The following TNXB variants were observed in gnomAD, a reference collection of about 807,000 sequenced individuals.
TNXB encodes tenascin-X.
Under a neutral mutation model 340.5 loss-of-function variants are expected in TNXB, and 183 were observed. The ratio of observed to expected loss-of-function variants is 0.54; its 90% CI spans 0.48 to 0.61. TNXB has a LOEUF of 0.61. Ranked by LOEUF, TNXB falls within the 20% of genes least tolerant of loss-of-function variation. The pLI, the probability that TNXB is intolerant of heterozygous loss-of-function variation, is 0.00. For synonymous variants in TNXB, 2,121 were observed against 2,314.5 expected (o/e 0.92, Z 2.40); for missense variants, 4,613 against 5,446.4 (o/e 0.85, Z 4.82).
intron 31 of TNXB, chr6:32,045,557 TCA>T: frequency 1.6e-6 from 1 of 617,324 alleles, no homozygotes; most frequent in South Asian, 2.5e-5. Context: ...CCTCGAGATA[TCA>T]CAGGCTCTGG....
Position 32,095,876 on chromosome 6 carries a change from A to C in TNXB, c.1977T>G (p.Arg659=), listed in dbSNP as rs757751081. The part of the protein sequence containing the change: ...TRMCPADCRG[R]GRCVQGVCLC... ...GGCACACTCCTTGCACACACCGCCCACGTCCCCGGCAGTCAGCCGGGCACA... is the reference window on the plus strand; with the variant it reads ...GGCACACTCCTTGCACACACCGCCCCCGTCCCCGGCAGTCAGCCGGGCACA... Residue 659 remains arginine, a synonymous_variant, in exon 3 of 44, where the codon CGT becomes CGG. Transcript: ENST00000644971. 14 of 1,612,600 alleles carry C rather than the reference A, an allele frequency of 8.7e-6. No homozygotes were observed. In the South Asian group the frequency reaches 1.4e-4, roughly 16 times the overall value.
intron 13 of TNXB, 55 bp downstream of exon 13, chr6:32,071,935 G>C: frequency 6.9e-7 from 1 of 1,459,096 alleles, no homozygotes; most frequent in Non-Finnish European, 9.3e-7. Context: ...AGGGAGTGAA[G>C]AGAAGGGTGG....
At chr6:32,056,551 C>A in intron 23 of TNXB, 35 bp downstream of exon 23, 1 of 1,606,730 alleles carries the variant, frequency 6.2e-7, no homozygotes, top group African/African-American at 1.3e-5. Flanking sequence ...GACCCTCCCA[C>A]GGCTCCCACC....
intron 4 of TNXB, among the ~76,000 whole-genome samples, chr6:32,094,095 CAAAAAAAAAAAAAAAAAA>C (rs9281649): frequency 3.5e-5 from 1 of 28,958 alleles, no homozygotes; most frequent in Non-Finnish European, 5.8e-5. Flanking sequence ...CTCTCTGTCT[CAAAAAAAAAAAAAAAAAA>C]AAAAAAAAAA....
rs775246444 is a variant in TNXB at position 32,049,441 on chromosome 6, A to G, written c.9586T>C (p.Phe3196Leu). ...TCCCTGTCCTTGTACTGCACGGTGA[A>G]GGAGTCGAAGCGGCCCTGGGGGACG... The part of the protein sequence containing the change: ...WTVPQGRFDS[F>L]TVQYKDRDGQ... Residue 3196 changes from phenylalanine to leucine, a missense_variant, in exon 28 of 44, where the codon TTC (phenylalanine) becomes CTC (leucine). By Grantham distance (22) the Phe-to-Leu change is conservative (BLOSUM62 0). Coordinates refer to ENST00000644971, the MANE Select transcript of TNXB (RefSeq NM_001365276.2). This position sits in a 1 kb window ranked among gnomAD's most constrained non-coding sequence, Gnocchi z 4.5. The G allele has an allele frequency of 1.2e-6, 2 of 1,612,584 alleles. No homozygotes were observed. The highest frequency in any genetic ancestry group is 3.3e-5 in the Admixed American group (2 of 59,998).
At chr6:32,044,899 TCTCTCCCTGGTA>T in intron 32 of TNXB, 95 bp downstream of exon 32, 1 of 1,055,478 alleles carries the variant, frequency 9.5e-7, no homozygotes, top group African/African-American at 1.6e-5. Flanking sequence ...CCATCCATCC[TCTCTCCCTGGTA>T]CCCGCCTCAC....
intron 22 of TNXB, among the ~76,000 whole-genome samples, chr6:32,057,201 C>T (rs1221054304): frequency 6.6e-6 from 1 of 152,134 alleles, no homozygotes; most frequent in Non-Finnish European, 1.5e-5. Flanking sequence ...CCCCTGGCCT[C>T]CCAGCACTGG....
Position 32,096,329 on chromosome 6 carries a change from C to G in TNXB, c.1524G>C (p.Val508=). Residue 508 remains valine (V), a synonymous_variant, in exon 3 of 44, where the codon GTG becomes GTC. Transcript: ENST00000644971. ...CCGGGTTGCACACGCAGCGGCCATC[C>G]ACGCAGCGCCCGCGCCCGCGACAGT... ...PGDCRGRGRC[V]DGRCVCNPGF... is the part of the protein sequence containing the mutation. 1 of 1,548,472 alleles carries G rather than the reference C, an allele frequency of 6.5e-7. No homozygotes were observed. Among genetic ancestry groups the G allele is most frequent in the Non-Finnish European group, 8.7e-7 (1 of 1,152,546 alleles).
Position 32,097,550 on chromosome 6 carries a change from A to C in TNXB, c.404-101T>G. The C allele has an allele frequency of 1.0e-5, 14 of 1,399,766 alleles. No homozygotes were observed. Among genetic ancestry groups the C allele is most frequent in the South Asian group, 1.4e-5 (1 of 71,174 alleles). 86.7% of individuals were successfully genotyped at this position (1,399,766 alleles called of 1,614,324 possible). Reference sequence around the variant, plus strand: ...GCAGGCCCCTAGCCAGGCTAGCCTCATCTCATAAGGCCATGTCTGCTCCCA... The same window carrying C: ...GCAGGCCCCTAGCCAGGCTAGCCTCCTCTCATAAGGCCATGTCTGCTCCCA... On this transcript the variant is annotated intron_variant, in intron 2 of 43. Coordinates refer to ENST00000644971, the MANE Select transcript of TNXB (RefSeq NM_001365276.2). The surrounding 1 kb of genome is among the most constrained non-coding windows in gnomAD (Gnocchi z 5.9).
rs1402144064 is a variant in TNXB, at chr6:32,073,714, A to G, written c.4614T>C (p.Tyr1538=). Residue 1538 remains tyrosine, a synonymous_variant, in exon 12 of 44, where the codon TAT becomes TAC. Coordinates refer to ENST00000644971, the MANE Select transcript of TNXB (RefSeq NM_001365276.2). The surrounding 1 kb of genome is among the most constrained non-coding windows in gnomAD (Gnocchi z 4.6). The part of the protein sequence containing the change: ...TVYNLEPERK[Y]KMNMYGLHDG... The stretch of plus-strand genomic sequence containing the variant: ...CATGTAGTCCATACATGTTCATCTT[A>G]TATTTTCTCTCAGGCTCCAGGTTGT... 9 of 1,611,688 alleles carry G rather than the reference A, an allele frequency of 5.6e-6. No homozygotes were observed. The highest frequency in any genetic ancestry group is 4.0e-5 in the African/African-American group (3 of 74,814).
intron 1 of TNXB, among the ~76,000 whole-genome samples, chr6:32,099,735 A>C (rs1444833048): frequency 6.6e-6 from 1 of 152,042 alleles, no homozygotes; most frequent in Non-Finnish European, 1.5e-5. Flanking sequence ...TGAAAAAAAA[A>C]AAACAAAAAT....
At position 32,079,306 on chromosome 6, in the gene TNXB, C is replaced by T; in HGVS notation, c.4102G>A (p.Glu1368Lys). Residue 1368 changes from glutamate (E) to lysine (K), a missense_variant, in exon 11 of 44, where the codon GAG (glutamate) becomes AAG (lysine). Glu to Lys is a moderately conservative substitution (Grantham distance 56). This residue lies in a region of TNXB where 4,327 missense variants were observed against 4,859.4 expected (regional missense o/e 0.89). Coordinates refer to ENST00000644971, the MANE Select transcript of TNXB (RefSeq NM_001365276.2). This position sits in a 1 kb window ranked among gnomAD's most constrained non-coding sequence, Gnocchi z 7.1. ...SPTELGTEAPESPEEPLLGEL... is the reference protein window; with the variant it reads ...SPTELGTEAPKSPEEPLLGEL... ...CCCAGGAGCGGCTCCTCGGGGGACTCCGGGGCCTCCGTGCCCAGTTCTGTG... is the reference window on the plus strand; with the variant it reads ...CCCAGGAGCGGCTCCTCGGGGGACTTCGGGGCCTCCGTGCCCAGTTCTGTG... 1 of 1,612,790 alleles carries T rather than the reference C, an allele frequency of 6.2e-7. No individual in the cohort carries two copies. Among genetic ancestry groups the T allele is most frequent in the Non-Finnish European group, 8.5e-7 (1 of 1,179,786 alleles).
chr6:32,078,105 AAGAAAGAAAGAAAG>A (rs1779197579), intron 11 of TNXB, among the ~76,000 whole-genome samples: 1 of 150,084 alleles, frequency 6.7e-6, no homozygotes, highest in Non-Finnish European at 1.5e-5. Flanking sequence ...GAAAGAAAGA[AAGAAAGAAAGAAAG>A]AAAGAAAGAA....
Position 32,069,955 on chromosome 6 carries a change from T to C in TNXB, c.5279-94A>G. The C allele has an allele frequency of 7.1e-7, 1 of 1,403,060 alleles. No individual in the cohort carries two copies. Among genetic ancestry groups the C allele is most frequent in the Non-Finnish European group, 9.5e-7 (1 of 1,054,074 alleles). The allele number at this position is 1,403,060 out of a possible 1,614,324, so 86.9% of individuals were successfully genotyped here. A position where few individuals can be genotyped will look rare whatever the true frequency, so the allele number is the denominator to read the frequency against. Reference sequence around the variant, plus strand: ...GATTGAGAGGTCTGGAGACAGGGCTTTGCGTGGCTGAGTCCTGCCGGGCTG... The same window carrying C: ...GATTGAGAGGTCTGGAGACAGGGCTCTGCGTGGCTGAGTCCTGCCGGGCTG... On this transcript the variant is annotated intron_variant, in intron 14 of 43. Transcript: ENST00000644971. The surrounding 1 kb of genome is among the most constrained non-coding windows in gnomAD (Gnocchi z 6.2).
chr6:32,081,983 T>C lies in TNXB; in HGVS notation c.3736+53A>G. The C allele has an allele frequency of 6.5e-7, 1 of 1,527,750 alleles. No homozygotes were observed. Among genetic ancestry groups the C allele is most frequent in the Non-Finnish European group, 8.8e-7 (1 of 1,131,078 alleles). The allele number at this position is 1,527,750 out of a possible 1,614,324, so 94.6% of individuals were successfully genotyped here. On this transcript the variant is annotated intron_variant, in intron 9 of 43. Coordinates refer to ENST00000644971, the MANE Select transcript of TNXB (RefSeq NM_001365276.2). The surrounding 1 kb of genome is among the most constrained non-coding windows in gnomAD (Gnocchi z 5.1). The stretch of plus-strand genomic sequence containing the variant: ...CAGCTGGTTTTGGGCTGAAGGGAAG[T>C]GTGCATGGGGCTGAGAAGGGGTCAC...
rs1777845136 is a variant in TNXB at position 32,058,881 on chromosome 6, T to C, written c.7493-491A>G. On this transcript the variant is annotated intron_variant, in intron 21 of 43. Coordinates refer to ENST00000644971, the MANE Select transcript of TNXB (RefSeq NM_001365276.2). The surrounding 1 kb of genome is among the most constrained non-coding windows in gnomAD (Gnocchi z 5.1). ...ATGATGAATGCTGGTTGTGTAGCCG[T>C]GAGGTGAATGATTACAATGTACTTG... is the stretch of plus-strand genomic sequence containing the variant. Among the ~76,000 whole-genome samples the C allele has an allele frequency of 6.6e-6, 1 of 151,850 alleles. No individual in the cohort carries two copies. The highest frequency in any genetic ancestry group is 1.5e-5 in the Non-Finnish European group (1 of 68,034).
Position 32,048,250 on chromosome 6 carries a change from A to G in TNXB, c.10045+113T>C, listed in dbSNP as rs1777025191. On this transcript the variant is annotated intron_variant, in intron 29 of 43. Coordinates refer to ENST00000644971, the MANE Select transcript of TNXB (RefSeq NM_001365276.2). ...TCAGGGCCTGGGTTTTCCTGGACCC[A>G]ATAAATCAGTGGGTGCTGAGGACTG... is the stretch of plus-strand genomic sequence containing the variant. 12 of 1,247,860 alleles carry G rather than the reference A, an allele frequency of 9.6e-6. 1 individual carries two copies. Among genetic ancestry groups the G allele is most frequent in the East Asian group, 5.0e-5 (2 of 39,860 alleles). The allele number at this position is 1,247,860 out of a possible 1,614,324, so 77.3% of individuals were successfully genotyped here.
chr6:32,108,888 G>T lies in TNXB; in HGVS notation c.-9+293C>A, dbSNP rs549297233. Among the ~76,000 whole-genome samples the T allele has an allele frequency of 6.6e-6, 1 of 152,224 alleles. No homozygotes were observed. The highest frequency in any genetic ancestry group is 2.1e-4 in the South Asian group (1 of 4,828). On this transcript the variant is annotated intron_variant, in intron 1 of 43. Transcript: ENST00000644971. This position sits in a 1 kb window ranked among gnomAD's most constrained non-coding sequence, Gnocchi z 4.8. ...CACCTCTACCCTGGTTCCACCATCT[G>T]ACTCCCGGAGTCCCTCGGTTTGTTC...
intron 23 of TNXB, 58 bp from the exon 24 acceptor site, chr6:32,056,232 C>A (rs765284558): frequency 3.2e-6 from 5 of 1,559,678 alleles, no homozygotes; most frequent in Non-Finnish European, 4.4e-6. Flanking sequence ...CTCAGGTCTT[C>A]AAGGGAAGGA....
Sources: gnomAD v4.1 joint callset for allele counts (sites outside exome capture counted in the v4.1 genomes callset) on GRCh38, gnomAD v4.1.1 for gene constraint, gnomAD v4.1.1 regional missense constraint, Gnocchi (gnomAD v3.1) non-coding constraint, MANE v1.5 for transcripts, NCBI Gene and HGNC (gene_info 2026-07-23, HGNC 2026-07-21) for gene names.